TSPAN13: variants seen among roughly 807,000 people sequenced by gnomAD.
TSPAN13 encodes tetraspanin 13, also known as tetraspanin-13.
Under a neutral mutation model 26.9 loss-of-function variants are expected in TSPAN13, and 18 were observed. That is an observed-to-expected ratio of 0.67 (90% CI 0.46 to 0.99). The LOEUF (loss-of-function observed/expected upper bound fraction) is 0.99. Among genes scored for constraint, TSPAN13 ranks in the 50% least tolerant of loss-of-function variants. The pLI is 0.00. For synonymous variants in TSPAN13, 116 were observed against 98.4 expected, an observed-to-expected ratio of 1.18 and a Z score of -1.06; for missense variants, 201 against 249.6, an observed-to-expected ratio of 0.81 and a Z score of 1.31.
chr7:16,754,909 C>A (rs566107411), intron 1 of TSPAN13, among the ~76,000 whole-genome samples: 1 of 152,282 alleles, frequency 6.6e-6, no homozygotes, highest in South Asian at 2.1e-4. Flanking sequence ...ATTCTGACAA[C>A]CTTCTGAGGG....
At chr7:16,773,165 G>GGGT (rs1784700634) in intron 1 of TSPAN13, among the ~76,000 whole-genome samples, 1 of 128,776 alleles carries the variant, frequency 7.8e-6, no homozygotes, top group African/African-American at 3.4e-5. Context: ...AAAAAATCTT[G>GGGT]GGGGGGGGCG....
chr7:16,759,275 T>C (rs1784515492), intron 1 of TSPAN13, among the ~76,000 whole-genome samples: 1 of 152,144 alleles, frequency 6.6e-6, no homozygotes, highest in Admixed American at 6.5e-5. Context: ...TGGCTCATGG[T>C]TCTGCAGGAA....
At chr7:16,764,953 G>A (rs4400279) in intron 1 of TSPAN13, among the ~76,000 whole-genome samples, 59,116 of 151,084 alleles carry the variant, frequency 0.39, 12,217 homozygotes, top group African/African-American at 0.51. Context: ...TTGAGACAAG[G>A]TCTTGCTATG....
chr7:16,774,456 C>T (rs1281816783), intron 1 of TSPAN13, among the ~76,000 whole-genome samples: 2 of 152,210 alleles, frequency 1.3e-5, no homozygotes, highest in African/African-American at 4.8e-5. Context: ...TTCGCACCTC[C>T]TTCAGGCTTC....
rs905835131 is a variant in TSPAN13 at position 16,781,879 on chromosome 7, G to A, written c.541-1538G>A. Among the ~76,000 whole-genome samples the A allele has an allele frequency of 1.5e-4, 23 of 152,136 alleles. No individual in the cohort carries two copies. The East Asian group carries it at 2.5e-3, about 17-fold the overall frequency. On this transcript the variant is annotated intron_variant, in intron 5 of 5. Coordinates refer to ENST00000262067, the MANE Select transcript of TSPAN13 (RefSeq NM_014399.4). ...TAACTACAGATATGTAAGTATTTCC[G>A]TGTTGTAACAGCTAGTGTGGCTGAG...
chr7:16,779,543 C>T (rs1784791788), intron 5 of TSPAN13, among the ~76,000 whole-genome samples: 1 of 151,756 alleles, frequency 6.6e-6, no homozygotes, highest in African/African-American at 2.4e-5. Context: ...AAATTGCCTT[C>T]CTACACCATT....
At chr7:16,768,180 C>T (rs184091738) in intron 1 of TSPAN13, among the ~76,000 whole-genome samples, 1 of 152,340 alleles carries the variant, frequency 6.6e-6, no homozygotes, top group East Asian at 1.9e-4. Context: ...TTCCAAAGTG[C>T]TGGGATTACA....
chr7:16,768,718 T>C (rs536256266), intron 1 of TSPAN13, among the ~76,000 whole-genome samples: 39 of 152,310 alleles, frequency 2.6e-4, no homozygotes, highest in African/African-American at 9.4e-4. Flanking sequence ...GTTTTCAAAA[T>C]GAGAAGGTGG....
At chr7:16,782,264 C>T (rs1784820958) in intron 5 of TSPAN13, among the ~76,000 whole-genome samples, 1 of 152,182 alleles carries the variant, frequency 6.6e-6, no homozygotes. Flanking sequence ...CCTCAGTCCA[C>T]CAGCTATAAA....
chr7:16,771,501 G>A (rs1258284727), intron 1 of TSPAN13, among the ~76,000 whole-genome samples: 1 of 152,212 alleles, frequency 6.6e-6, no homozygotes, highest in Non-Finnish European at 1.5e-5. Context: ...GAATCACACA[G>A]GTCCTTGGAA....
At chr7:16,779,311 G>C (rs536495496) in intron 5 of TSPAN13, among the ~76,000 whole-genome samples, 195 bp downstream of exon 5, 182 of 152,244 alleles carry the variant, frequency 1.2e-3, no homozygotes, top group African/African-American at 4.3e-3. Flanking sequence ...TGAAAGGCTT[G>C]ATCTGTCTCT....
At chr7:16,755,872 CTA>C (rs1457901554) in intron 1 of TSPAN13, among the ~76,000 whole-genome samples, 6 of 152,068 alleles carry the variant, frequency 3.9e-5, no homozygotes, top group Admixed American at 3.3e-4. Context: ...CATATTAAGA[CTA>C]TTTAATATCT....
chr7:16,766,886 C>T (rs1784609337), intron 1 of TSPAN13, among the ~76,000 whole-genome samples: 1 of 151,992 alleles, frequency 6.6e-6, no homozygotes, highest in African/African-American at 2.4e-5. Flanking sequence ...TATGGTAGAC[C>T]CCTGTGAACT....
rs551777766 is a variant in TSPAN13 at position 16,776,889 on chromosome 7, A to T, written c.232-153A>T. 2.6e-5 allele frequency among the ~76,000 whole-genome samples: 4 copies of T among 152,324 alleles called. No homozygotes were observed. The South Asian group carries it at 8.3e-4, about 32-fold the overall frequency. ...AACTATGTATTACCAAAATAATAATATGTGTATCCTTTTTGAACTTTCTCT... is the reference window on the plus strand; with the variant it reads ...AACTATGTATTACCAAAATAATAATTTGTGTATCCTTTTTGAACTTTCTCT... On this transcript the variant is annotated intron_variant, in intron 2 of 5. Coordinates refer to ENST00000262067, the MANE Select transcript of TSPAN13 (RefSeq NM_014399.4).
Position 16,754,028 on chromosome 7 carries a change from A to G in TSPAN13, c.61A>G (p.Thr21Ala), listed in dbSNP as rs756499047. Residue 21 changes from threonine to alanine, a missense_variant and splice_region_variant, in exon 1 of 6, where the codon ACC (threonine) becomes GCC (alanine). Physicochemically the swap from Thr to Ala is moderately conservative, Grantham distance 58. Transcript: ENST00000262067. ...NCLCALNLLY[T>A]LVSLLLIGIA... ...CCTGTGCGCCCTCAACCTGCTTTACACCGTGAGTATCCCCAGTCCGTTCCT... is the reference window on the plus strand; with the variant it reads ...CCTGTGCGCCCTCAACCTGCTTTACGCCGTGAGTATCCCCAGTCCGTTCCT... 11 of 1,613,642 alleles carry G rather than the reference A, an allele frequency of 6.8e-6. No homozygotes were observed. The highest frequency in any genetic ancestry group is 9.3e-6 in the Non-Finnish European group (11 of 1,179,758).
At chr7:16,781,250 A>T (rs1048330313) in intron 5 of TSPAN13, among the ~76,000 whole-genome samples, 1 of 152,188 alleles carries the variant, frequency 6.6e-6, no homozygotes, top group Non-Finnish European at 1.5e-5. Flanking sequence ...AATCATTTAT[A>T]TTGTGGCATA....
At chr7:16,763,810 T>C (rs970873405) in intron 1 of TSPAN13, among the ~76,000 whole-genome samples, 8 of 152,120 alleles carry the variant, frequency 5.3e-5, no homozygotes, top group Non-Finnish European at 1.0e-4. Context: ...GTACTGGAAG[T>C]ATATGTGTTA....
chr7:16,770,206 A>AT (rs1204417843), intron 1 of TSPAN13, among the ~76,000 whole-genome samples: 1 of 147,616 alleles, frequency 6.8e-6, no homozygotes, highest in Admixed American at 6.7e-5. Context: ...TTATTATTTT[A>AT]TTATTATTAT....
intron 1 of TSPAN13, 109 bp from the exon 2 acceptor site, chr7:16,776,102 G>C: frequency 2.0e-6 from 2 of 1,000,546 alleles, no homozygotes; most frequent in South Asian, 1.9e-5. Context: ...ATTTGTAAGA[G>C]ACTACGTAGG....
Sources: gnomAD v4.1 joint callset for allele counts (sites outside exome capture counted in the v4.1 genomes callset) on GRCh38, gnomAD v4.1.1 for gene constraint, MANE v1.5 for transcripts, NCBI Gene and HGNC (gene_info 2026-07-23, HGNC 2026-07-21) for gene names.